The following ARHGEF28 variants were observed in gnomAD, a reference collection of about 807,000 sequenced individuals.
ARHGEF28 encodes Rho guanine nucleotide exchange factor 28, also known as 190 kDa guanine nucleotide exchange factor.
Under a neutral mutation model 206.6 loss-of-function variants are expected in ARHGEF28, and 152 were observed. The ratio of observed to expected loss-of-function variants is 0.74; its 90% CI spans 0.64 to 0.84. The LOEUF is 0.84. Among genes scored for constraint, ARHGEF28 ranks in the 40% least tolerant of loss-of-function variants. The pLI, the probability that ARHGEF28 is intolerant of heterozygous loss-of-function variation, is 0.00. For missense variants in ARHGEF28, 2,028 were observed against 2,073.2 expected (o/e 0.98, Z 0.42); for synonymous variants, 763 against 776.4 (o/e 0.98, Z 0.29).
At chr5:73,691,755 G>T (rs1378906341) in intron 2 of ARHGEF28, among the ~76,000 whole-genome samples, 1 of 152,158 alleles carries the variant, frequency 6.6e-6, no homozygotes, top group Non-Finnish European at 1.5e-5. Context: ...TAAGCCATCA[G>T]ACATAGCTCA....
At chr5:73,674,437 T>C (rs1201255724) in intron 1 of ARHGEF28, among the ~76,000 whole-genome samples, 1 of 152,252 alleles carries the variant, frequency 6.6e-6, no homozygotes, top group African/African-American at 2.4e-5. Flanking sequence ...TGAGCTTTTC[T>C]TTCCTCATAT....
At chr5:73,762,270 A>G (rs1172137323) in intron 4 of ARHGEF28, among the ~76,000 whole-genome samples, 2 of 151,914 alleles carry the variant, frequency 1.3e-5, no homozygotes, top group East Asian at 3.9e-4. Flanking sequence ...AGACTGACCA[A>G]TATGGTGAAA....
chr5:73,702,332 A>G (rs1350995159), intron 2 of ARHGEF28, among the ~76,000 whole-genome samples: 1 of 152,192 alleles, frequency 6.6e-6, no homozygotes. Context: ...CATTGAATAC[A>G]TTCATATTGT....
chr5:73,639,226 T>C (rs1014543923), intron 1 of ARHGEF28, among the ~76,000 whole-genome samples: 1 of 136,632 alleles, frequency 7.3e-6, no homozygotes, highest in African/African-American at 2.7e-5. Flanking sequence ...CATTTTCTAT[T>C]ACATATATAT....
At chr5:73,653,949 G>C (rs1479376084) in intron 1 of ARHGEF28, among the ~76,000 whole-genome samples, 1 of 152,234 alleles carries the variant, frequency 6.6e-6, no homozygotes, top group Admixed American at 6.5e-5. Context: ...CATAGAAAAG[G>C]TGTATGAAAG....
chr5:73,782,937 A>T (rs1304873742), intron 7 of ARHGEF28, among the ~76,000 whole-genome samples: 1 of 152,158 alleles, frequency 6.6e-6, no homozygotes, highest in African/African-American at 2.4e-5. Flanking sequence ...TGCTTATTTA[A>T]GCCTCTGCCC....
At chr5:73,699,846 T>C (rs1328693962) in intron 2 of ARHGEF28, among the ~76,000 whole-genome samples, 1 of 152,206 alleles carries the variant, frequency 6.6e-6, no homozygotes, top group East Asian at 1.9e-4. Flanking sequence ...CTAATAAAGT[T>C]CCATCATTAA....
At chr5:73,872,950 CT>C (rs1271755577) in intron 21 of ARHGEF28, 48 bp from the exon 22 acceptor site, 1 of 1,589,512 alleles carries the variant, frequency 6.3e-7, no homozygotes, top group South Asian at 1.1e-5. Context: ...AATAGCGAAA[CT>C]TGCTTTTTAA....
chr5:73,911,688 G>A, intron 35 of ARHGEF28, 113 bp downstream of exon 35: 2 of 1,121,012 alleles, frequency 1.8e-6, no homozygotes, highest in South Asian at 1.6e-5. Context: ...GAATAAATCG[G>A]TACTGATGAG....
chr5:73,941,072 G>A lies in ARHGEF28; in HGVS notation c.*59G>A. The stretch of plus-strand genomic sequence containing the variant: ...CTGGCACTTTTGGGAGAAACTTTTT[G>A]TCTCCATTCCTTATGTATGTGTGAT... On this transcript the variant is annotated 3_prime_UTR_variant, in exon 36 of 36. Transcript: ENST00000513042. The A allele has an allele frequency of 2.1e-6, 3 of 1,401,192 alleles. No homozygotes were observed. The highest frequency in any genetic ancestry group is 2.8e-6 in the Non-Finnish European group (3 of 1,077,540). 86.8% of individuals were successfully genotyped at this position (1,401,192 alleles called of 1,614,324 possible).
intron 7 of ARHGEF28, among the ~76,000 whole-genome samples, chr5:73,782,811 C>G (rs1753924612): frequency 6.6e-6 from 1 of 152,316 alleles, no homozygotes; most frequent in East Asian, 1.9e-4. Flanking sequence ...ACTGCTGTAC[C>G]TGTAGCCGAT....
chr5:73,761,231 G>A (rs1383673333), intron 4 of ARHGEF28, among the ~76,000 whole-genome samples: 1 of 152,130 alleles, frequency 6.6e-6, no homozygotes, highest in Non-Finnish European at 1.5e-5. Flanking sequence ...AAAAATGACA[G>A]TAACCAAGGA....
chr5:73,652,038 G>A (rs1744869185), intron 1 of ARHGEF28, among the ~76,000 whole-genome samples: 1 of 152,192 alleles, frequency 6.6e-6, no homozygotes, highest in Non-Finnish European at 1.5e-5. Context: ...GCTTGTTAAA[G>A]GTTTGTGGAG....
chr5:73,829,696 A>G (rs1446379806), intron 9 of ARHGEF28, among the ~76,000 whole-genome samples: 2 of 152,104 alleles, frequency 1.3e-5, no homozygotes, highest in Non-Finnish European at 2.9e-5. Context: ...TCTACTTTTG[A>G]CAGGAATAAT....
chr5:73,889,621 A>G (rs1480000267), intron 26 of ARHGEF28, among the ~76,000 whole-genome samples: 1 of 152,264 alleles, frequency 6.6e-6, no homozygotes, highest in Non-Finnish European at 1.5e-5. Context: ...CCTGGATAAT[A>G]GAATCAGCAC....
intron 18 of ARHGEF28, 105 bp from the exon 19 acceptor site, chr5:73,867,771 T>C: frequency 3.5e-6 from 5 of 1,444,288 alleles, no homozygotes; most frequent in Non-Finnish European, 4.7e-6. Flanking sequence ...ATGCATCAGA[T>C]TACAAGTAGT....
At chr5:73,664,897 C>T (rs1580456749) in intron 1 of ARHGEF28, among the ~76,000 whole-genome samples, 1 of 152,158 alleles carries the variant, frequency 6.6e-6, no homozygotes, top group Non-Finnish European at 1.5e-5. Context: ...TCATATGCTT[C>T]TCCTTGGTCA....
In ARHGEF28 at chr5:73,912,605, C is replaced by T. The variant is rs142726518; in HGVS notation, c.4948+1030C>T. Among the ~76,000 whole-genome samples, 273 of 152,138 alleles carry T rather than the reference C, an allele frequency of 1.8e-3. 1 individual carries two copies. The highest frequency in any genetic ancestry group is 6.2e-3 in the African/African-American group (259 of 41,520). ...TAATTCTTTACATTACTTAAGTCAC[C>T]GTGGTAACATTCTTCTTTCTTGTCA... On this transcript the variant is annotated intron_variant, in intron 35 of 35. Coordinates refer to ENST00000513042, the MANE Select transcript of ARHGEF28 (RefSeq NM_001177693.2).
intron 2 of ARHGEF28, among the ~76,000 whole-genome samples, chr5:73,742,159 TG>T (rs939326613): frequency 1.7e-4 from 26 of 152,336 alleles, no homozygotes; most frequent in African/African-American, 6.0e-4. Flanking sequence ...TTTGCATGGA[TG>T]TCTTTTTACT....
Sources: allele counts gnomAD v4.1 joint callset (sites outside exome capture counted in the v4.1 genomes callset), GRCh38; gene constraint gnomAD v4.1.1; transcripts MANE v1.5; gene names NCBI Gene and HGNC (gene_info 2026-07-23, HGNC 2026-07-21).